FRMPD4: variants seen among roughly 807,000 people sequenced by gnomAD.
FRMPD4 encodes the protein FERM and PDZ domain-containing protein 4.
In FRMPD4, 22 loss-of-function variants were observed where a neutral mutation model predicts 94.1. The ratio of observed to expected loss-of-function variants is 0.23; its 90% CI spans 0.17 to 0.33. The LOEUF (loss-of-function observed/expected upper bound fraction) is 0.33. Ranked by LOEUF, FRMPD4 falls within the 10% of genes least tolerant of loss-of-function variation. The pLI, the probability that FRMPD4 is intolerant of heterozygous loss-of-function variation, is 1.00. For missense variants in FRMPD4, 1,111 were observed against 1,339.9 expected (o/e 0.83, Z 2.67); for synonymous variants, 631 against 548.6 (o/e 1.15, Z -2.10).
At chrX:12,100,211 C>T (rs2055243035) in intron 3 of FRMPD4, among the ~76,000 whole-genome samples, 1 of 112,121 alleles carries the variant, frequency 8.9e-6, no homozygotes, top group Admixed American at 9.5e-5. Flanking sequence ...GATAGAATCT[C>T]TGAAAATATT....
chrX:12,122,595 C>CT (rs35343477), intron 3 of FRMPD4, among the ~76,000 whole-genome samples: 19,794 of 102,116 alleles, frequency 0.19, 1,790 homozygotes, highest in African/African-American at 0.33. Flanking sequence ...TTAACTGTAT[C>CT]TTTTTTTTTT....
intron 3 of FRMPD4, among the ~76,000 whole-genome samples, chrX:11,959,327 G>A (rs992026953): frequency 2.7e-5 from 3 of 112,216 alleles, no homozygotes; most frequent in African/African-American, 9.7e-5. Flanking sequence ...AATTTATGCT[G>A]AGCAAGGTGG....
chrX:11,959,527 TG>T (rs2054273711), intron 3 of FRMPD4, among the ~76,000 whole-genome samples: 1 of 112,205 alleles, frequency 8.9e-6, no homozygotes, highest in Non-Finnish European at 1.9e-5. Context: ...AACTCCTCAC[TG>T]CATGTCCTCA....
At chrX:12,406,026 G>A (rs2056662605) in intron 1 of FRMPD4, among the ~76,000 whole-genome samples, 1 of 111,064 alleles carries the variant, frequency 9.0e-6, no homozygotes, top group Non-Finnish European at 1.9e-5. Flanking sequence ...CAACCAGGGC[G>A]CTCTTGCCCC....
At chrX:12,452,949 G>A (rs2057290097) in intron 1 of FRMPD4, among the ~76,000 whole-genome samples, 1 of 112,015 alleles carries the variant, frequency 8.9e-6, no homozygotes, top group Non-Finnish European at 1.9e-5. Context: ...GCCCGGCATG[G>A]ATATAATTAT....
At chrX:12,148,488 T>C (rs1305197948) in intron 1 of FRMPD4, among the ~76,000 whole-genome samples, 1 of 112,153 alleles carries the variant, frequency 8.9e-6, no homozygotes, top group Non-Finnish European at 1.9e-5. Flanking sequence ...GGGATTAGTT[T>C]GTGAGGCTTA....
At chrX:12,542,574 C>G (rs1352052134) in intron 2 of FRMPD4, among the ~76,000 whole-genome samples, 1 of 111,718 alleles carries the variant, frequency 9.0e-6, no homozygotes, top group Non-Finnish European at 1.9e-5. Context: ...AACCACTGCT[C>G]AATGAAATAA....
chrX:11,830,406 GA>G (rs1328881873), intron 1 of FRMPD4, among the ~76,000 whole-genome samples: 4 of 111,019 alleles, frequency 3.6e-5, no homozygotes, highest in Non-Finnish European at 7.6e-5. Flanking sequence ...CATATTTCAT[GA>G]TTTTTTTTCA....
chrX:12,330,093 A>C (rs5933988), intron 1 of FRMPD4, among the ~76,000 whole-genome samples: 36,751 of 110,088 alleles, frequency 0.33, 7,068 homozygotes, highest in African/African-American at 0.73. Context: ...AGAATACTTA[A>C]CACAAGTACC....
chrX:12,500,489 C>A (rs1317695395), intron 2 of FRMPD4, among the ~76,000 whole-genome samples: 1 of 110,999 alleles, frequency 9.0e-6, no homozygotes, highest in African/African-American at 3.3e-5. Context: ...CCTAGAATTG[C>A]TGCACAGGGG....
intron 2 of FRMPD4, among the ~76,000 whole-genome samples, chrX:12,546,782 A>C (rs2058481622): frequency 9.1e-6 from 1 of 110,437 alleles, no homozygotes; most frequent in Non-Finnish European, 1.9e-5. Flanking sequence ...GTGGCAGATG[A>C]ATCCACCCAG....
At chrX:12,116,218 T>A (rs2055407592) in intron 3 of FRMPD4, among the ~76,000 whole-genome samples, 1 of 112,490 alleles carries the variant, frequency 8.9e-6, no homozygotes, top group African/African-American at 3.2e-5. Flanking sequence ...TTCCCAGCTC[T>A]ATCACACTTT....
intron 1 of FRMPD4, among the ~76,000 whole-genome samples, chrX:12,379,623 C>A (rs1338558065): frequency 1.0e-5 from 1 of 99,479 alleles, no homozygotes; most frequent in East Asian, 3.1e-4. Context: ...ATATAATATA[C>A]ATTTTATTGA....
At chrX:12,373,098 TA>T (rs1003414882) in intron 1 of FRMPD4, 10 of 112,250 alleles carry the variant, frequency 8.9e-5, no homozygotes, top group African/African-American at 3.2e-4. Flanking sequence ...GTACAAAGTT[TA>T]AAAACCTTGT....
chrX:12,469,843 G>C (rs1450788595), intron 1 of FRMPD4, among the ~76,000 whole-genome samples: 1 of 112,336 alleles, frequency 8.9e-6, no homozygotes, highest in African/African-American at 3.2e-5. Context: ...GCATCTATTA[G>C]GTAAAAACAT....
rs2054183478 is a variant in FRMPD4, at chrX:12,261,201, TGA to T, written c.41+122190_41+122191del. 4.5e-5 allele frequency among the ~76,000 whole-genome samples: 5 copies of T among 112,056 alleles called. No individual in the cohort carries two copies. The Admixed American group carries it at 4.7e-4, about 11-fold the overall frequency. ...TTTTGAGTCTGGATATAATCATAGATGATAGCTCATCACCTTTAAATCCCAAA... is the reference window on the plus strand; with the variant it reads ...TTTTGAGTCTGGATATAATCATAGATTAGCTCATCACCTTTAAATCCCAAA... On this transcript the variant is annotated intron_variant, in intron 1 of 16. Transcript: ENST00000675598.
At chrX:12,231,030 G>GTATATATATATATATATA (rs56948982) in intron 1 of FRMPD4, among the ~76,000 whole-genome samples, 10 of 26,381 alleles carry the variant, frequency 3.8e-4, no homozygotes, top group African/African-American at 1.2e-3. Flanking sequence ...TATATATATA[G>GTATATATATATATATATA]TATATATATA....
At chrX:12,394,646 C>T (rs1430816345) in intron 1 of FRMPD4, among the ~76,000 whole-genome samples, 1 of 111,269 alleles carries the variant, frequency 9.0e-6, no homozygotes, top group Non-Finnish European at 1.9e-5. Context: ...TCCCTTCCTT[C>T]ACCCGCCTCC....
chrX:12,317,604 C>CA (rs879024487), intron 1 of FRMPD4, among the ~76,000 whole-genome samples: 4 of 65,001 alleles, frequency 6.2e-5, no homozygotes, highest in Non-Finnish European at 1.1e-4. Context: ...AAAAAAAAAA[C>CA]AAAAAAAACA....
Sources: gnomAD v4.1 joint callset for allele counts (sites outside exome capture counted in the v4.1 genomes callset) on GRCh38, gnomAD v4.1.1 for gene constraint, MANE v1.5 for transcripts, NCBI Gene and HGNC (gene_info 2026-07-23, HGNC 2026-07-21) for gene names.